Variants in LRMDA observed in about 807,000 individuals in gnomAD.
The protein encoded by LRMDA is leucine rich melanocyte differentiation associated.
Under a neutral mutation model 29.8 loss-of-function variants are expected in LRMDA, and 18 were observed. The ratio of observed to expected loss-of-function variants is 0.60; its 90% CI spans 0.42 to 0.90. The LOEUF is 0.90. Ranked by LOEUF, LRMDA falls within the 40% of genes least tolerant of loss-of-function variation. LRMDA has a pLI of 0.00. For missense variants in LRMDA, 273 were observed against 273.9 expected (o/e 1.00, Z 0.02); for synonymous variants, 125 against 109.4 (o/e 1.14, Z -0.89).
At chr10:75,467,876 G>A (rs1416133932) in intron 2 of LRMDA, among the ~76,000 whole-genome samples, 3 of 151,602 alleles carry the variant, frequency 2.0e-5, no homozygotes, top group African/African-American at 4.9e-5. Context: ...TAGGAGAATC[G>A]CATGAACTCG....
At chr10:76,264,680 G>A (rs1286434131) in intron 5 of LRMDA, among the ~76,000 whole-genome samples, 1 of 152,054 alleles carries the variant, frequency 6.6e-6, no homozygotes, top group Non-Finnish European at 1.5e-5. Context: ...CTTTGGGAGA[G>A]GAGTCCTGAG....
intron 2 of LRMDA, among the ~76,000 whole-genome samples, chr10:75,742,490 G>A (rs1411952325): frequency 1.3e-5 from 2 of 152,202 alleles, no homozygotes; most frequent in Non-Finnish European, 2.9e-5. Context: ...GAATAGGTGT[G>A]CTGTGGGGGT....
chr10:76,525,664 TAGTC>T (rs929791907), intron 6 of LRMDA, among the ~76,000 whole-genome samples: 3 of 152,200 alleles, frequency 2.0e-5, no homozygotes, highest in Non-Finnish European at 2.9e-5. Flanking sequence ...TTTTTTTTGT[TAGTC>T]AGTATGATTT....
At chr10:76,072,569 T>C (rs143166946) in intron 5 of LRMDA, among the ~76,000 whole-genome samples, 156 of 152,330 alleles carry the variant, frequency 1.0e-3, no homozygotes, top group African/African-American at 3.6e-3. Context: ...AAGAGAAGTT[T>C]AACCACTTAG....
intron 5 of LRMDA, among the ~76,000 whole-genome samples, chr10:76,306,176 A>G (rs935058414): frequency 6.6e-6 from 1 of 152,186 alleles, no homozygotes; most frequent in African/African-American, 2.4e-5. Context: ...CTCCTCTGCA[A>G]TCAACACATA....
intron 2 of LRMDA, among the ~76,000 whole-genome samples, chr10:75,669,283 A>G (rs985472312): frequency 5.3e-5 from 8 of 152,290 alleles, no homozygotes; most frequent in Middle Eastern, 6.8e-3. Flanking sequence ...GTATTTTCTC[A>G]AAGGATAGAC....
intron 2 of LRMDA, among the ~76,000 whole-genome samples, chr10:75,699,508 C>A (rs1457382845): frequency 6.6e-6 from 1 of 152,068 alleles, no homozygotes; most frequent in Non-Finnish European, 1.5e-5. Flanking sequence ...TTTTAGTGGG[C>A]TTTGAATTTA....
At chr10:75,689,682 G>A (rs1049250981) in intron 2 of LRMDA, among the ~76,000 whole-genome samples, 2 of 152,314 alleles carry the variant, frequency 1.3e-5, no homozygotes, top group South Asian at 4.1e-4. Flanking sequence ...ATAGCTGGGG[G>A]CAGGGGCTTT....
At chr10:75,710,459 A>G (rs1212328920) in intron 2 of LRMDA, among the ~76,000 whole-genome samples, 1 of 152,240 alleles carries the variant, frequency 6.6e-6, no homozygotes, top group Non-Finnish European at 1.5e-5. Context: ...CTCATTTGGT[A>G]GCTGAATAAG....
chr10:75,624,384 G>A (rs1207250580), intron 2 of LRMDA, among the ~76,000 whole-genome samples: 5 of 152,126 alleles, frequency 3.3e-5, no homozygotes, highest in Non-Finnish European at 1.5e-5. Context: ...TCCAGGATAG[G>A]TTTTATAAGT....
intron 2 of LRMDA, among the ~76,000 whole-genome samples, chr10:75,700,817 G>C (rs1020085403): frequency 5.3e-5 from 8 of 152,158 alleles, no homozygotes; most frequent in East Asian, 1.9e-4. Context: ...AAAAAAACAG[G>C]GTCCTAGGTT....
intron 2 of LRMDA, among the ~76,000 whole-genome samples, chr10:75,995,283 A>G (rs1372411946): frequency 5.9e-5 from 9 of 152,274 alleles, no homozygotes; most frequent in African/African-American, 2.2e-4. Flanking sequence ...TTGCAGCTGC[A>G]TTCTGAGGAA....
At chr10:75,872,657 G>T (rs1845134520) in intron 2 of LRMDA, among the ~76,000 whole-genome samples, 1 of 152,102 alleles carries the variant, frequency 6.6e-6, no homozygotes. Flanking sequence ...TCGTTCCCAT[G>T]AATTGAAGCT....
intron 5 of LRMDA, among the ~76,000 whole-genome samples, chr10:76,211,905 C>T (rs1305670228): frequency 1.3e-5 from 2 of 152,128 alleles, no homozygotes; most frequent in Non-Finnish European, 2.9e-5. Context: ...CTCCCTGGTG[C>T]ACAGAATTGA....
chr10:75,481,913 T>C (rs888093890), intron 2 of LRMDA, among the ~76,000 whole-genome samples: 3 of 152,214 alleles, frequency 2.0e-5, no homozygotes, highest in Non-Finnish European at 4.4e-5. Flanking sequence ...GCTTCATTCC[T>C]ACTTGTCTTT....
chr10:75,971,752 T>G (rs1158266068), intron 2 of LRMDA, among the ~76,000 whole-genome samples: 1 of 152,236 alleles, frequency 6.6e-6, no homozygotes, highest in African/African-American at 2.4e-5. Context: ...AAGGCATTCC[T>G]TTCTGGGCTG....
chr10:75,431,642 C>A lies in LRMDA; in HGVS notation c.-83C>A. 1 of 1,168,524 alleles carries A rather than the reference C, an allele frequency of 8.6e-7. No individual in the cohort carries two copies. Among genetic ancestry groups the A allele is most frequent in the Non-Finnish European group, 1.1e-6 (1 of 941,662 alleles). 72.4% of individuals were successfully genotyped at this position (1,168,524 alleles called of 1,614,324 possible). A position where few individuals can be genotyped will look rare whatever the true frequency, so the allele number is the denominator to read the frequency against. On this transcript the variant is annotated 5_prime_UTR_variant, in exon 1 of 7. Transcript: ENST00000611255. ...ACTGCCCAGTGCGGAACTGTGCGCC[C>A]GCCGCGCTCCCCTGCCGCGCTCCCC...
At chr10:76,190,169 A>G (rs1471041885) in intron 5 of LRMDA, among the ~76,000 whole-genome samples, 2 of 152,196 alleles carry the variant, frequency 1.3e-5, no homozygotes, top group East Asian at 3.9e-4. Flanking sequence ...CTCGGCACAA[A>G]TGAGAGAAAT....
At chr10:76,252,475 C>T (rs1222554844) in intron 5 of LRMDA, among the ~76,000 whole-genome samples, 2 of 152,010 alleles carry the variant, frequency 1.3e-5, no homozygotes, top group African/African-American at 4.8e-5. Flanking sequence ...TGTCATAAGC[C>T]CAGCTAAACA....
Sources: gnomAD v4.1 joint callset for allele counts (sites outside exome capture counted in the v4.1 genomes callset) on GRCh38, gnomAD v4.1.1 for gene constraint, MANE v1.5 for transcripts, NCBI Gene and HGNC (gene_info 2026-07-23, HGNC 2026-07-21) for gene names.